The following PRRT3 variants were observed in gnomAD, a reference collection of about 807,000 sequenced individuals.
The protein encoded by PRRT3 is proline-rich transmembrane protein 3.
Under a neutral mutation model 56.6 loss-of-function variants are expected in PRRT3, and 48 were observed. That is an observed-to-expected ratio of 0.85 (90% CI 0.67 to 1.08). PRRT3 has a LOEUF of 1.08. PRRT3 is among the 50% of genes least tolerant of loss of function. The probability of loss-of-function intolerance (pLI) is 0.00; values close to 1 mark genes in which losing one functional copy is unlikely to be tolerated. For missense variants in PRRT3, 1,370 were observed against 1,353.1 expected (o/e 1.01, Z -0.20); for synonymous variants, 641 against 619.1 (o/e 1.04, Z -0.52).
rs1328079860 is a variant in PRRT3, at chr3:9,947,230, A to C, written c.1943T>G (p.Leu648Arg). The C allele has an allele frequency of 6.7e-7, 1 of 1,495,350 alleles. No individual in the cohort carries two copies. Among genetic ancestry groups the C allele is most frequent in the African/African-American group, 1.4e-5 (1 of 69,626 alleles). 92.6% of individuals were successfully genotyped at this position (1,495,350 alleles called of 1,614,324 possible). A position where few individuals can be genotyped will look rare whatever the true frequency, so the allele number is the denominator to read the frequency against. Reference sequence around the variant, plus strand: ...CGCCAGCTGCAAGCCGCTAGCCAGCAGCCCCAGCGCGCCCGCCACAGCCAA... The same window carrying C: ...CGCCAGCTGCAAGCCGCTAGCCAGCCGCCCCAGCGCGCCCGCCACAGCCAA... The part of the protein sequence containing the change: ...RLLAVAGALG[L>R]LASGLQLAAA... Residue 648 changes from leucine (L) to arginine (R), a missense_variant, in exon 4 of 4, where the codon CTG becomes CGG. Leu to Arg is a moderately radical substitution (Grantham distance 102, BLOSUM62 -2). Transcript: ENST00000412055. This position sits in a 1 kb window ranked among gnomAD's most constrained non-coding sequence, Gnocchi z 9.2.
Position 9,949,037 on chromosome 3 carries a change from G to A in PRRT3, c.1015+64C>T. 5 of 1,525,170 alleles carry A rather than the reference G, an allele frequency of 3.3e-6. No homozygotes were observed. Among genetic ancestry groups the A allele is most frequent in the Non-Finnish European group, 4.4e-6 (5 of 1,141,958 alleles). 94.5% of individuals were successfully genotyped at this position (1,525,170 alleles called of 1,614,324 possible). ...AAAATGAGACCTAGAGGGACCCAGG[G>A]TCAAACAGAATTGAGGCATCCAGCT... On this transcript the variant is annotated intron_variant, in intron 2 of 3. Transcript: ENST00000412055. This position sits in a 1 kb window ranked among gnomAD's most constrained non-coding sequence, Gnocchi z 4.5.
Position 9,947,537 on chromosome 3 carries a change from G to C in PRRT3, c.1636C>G (p.Pro546Ala), listed in dbSNP as rs2085547907. 1.2e-6 allele frequency: 2 copies of C among 1,611,460 alleles called. No homozygotes were observed. Among genetic ancestry groups the C allele is most frequent in the Admixed American group, 1.7e-5 (1 of 59,958 alleles). ...GCTGCCAGCGCCGTAAGCAGCAAGG[G>C]GAAGGGCAGGTTGTAGAGCACCAGG... ...GGLVLYNLPF[P>A]LLLTALAALT... The change falls in exon 4 of 4, where the codon CCC (proline) becomes GCC (alanine). Residue 546 changes from proline (P) to alanine (A), a missense_variant. Transcript: ENST00000412055. The surrounding 1 kb of genome is among the most constrained non-coding windows in gnomAD (Gnocchi z 9.2).
intron 3 of PRRT3, 191 bp downstream of exon 3, chr3:9,948,567 G>T (rs2085566929): frequency 1.5e-6 from 1 of 653,114 alleles, no homozygotes; most frequent in African/African-American, 1.8e-5. Flanking sequence ...AAGGGCAAAT[G>T]ACTTCTCCCA....
intron 3 of PRRT3, chr3:9,948,256 A>G (rs1018106209): frequency 2.6e-6 from 1 of 383,240 alleles, no homozygotes. Flanking sequence ...GCAGTTCGAC[A>G]CATGGGCTGC....
chr3:9,949,258 A>T lies in PRRT3; in HGVS notation c.858T>A (p.Val286=). The T allele has an allele frequency of 6.2e-7, 1 of 1,603,086 alleles. No individual in the cohort carries two copies. The highest frequency in any genetic ancestry group is 2.2e-5 in the East Asian group (1 of 44,748). Residue 286 remains valine (V), a synonymous_variant, in exon 2 of 4, where the codon GTT becomes GTA. Coordinates refer to ENST00000412055, the MANE Select transcript of PRRT3 (RefSeq NM_207351.5). This position sits in a 1 kb window ranked among gnomAD's most constrained non-coding sequence, Gnocchi z 4.5. The part of the protein sequence containing the change: ...RSLPPAEELP[V]ETPKRAGAEV... ...CAGCGCCAGCCCTCTTGGGGGTCTC[A>T]ACCGGCAGCTCCTCAGCAGGAGGAA...
At chr3:9,948,148 A>AGAT (rs2085561843) in intron 3 of PRRT3, 147 bp from the exon 4 acceptor site, 2 of 868,890 alleles carry the variant, frequency 2.3e-6, no homozygotes, top group African/African-American at 3.5e-5. Context: ...GTTGTGAAGA[A>AGAT]GATGAAATGT....
chr3:9,948,034 G>A, intron 3 of PRRT3, 33 bp from the exon 4 acceptor site: 12 of 1,292,920 alleles, frequency 9.3e-6, no homozygotes, highest in Non-Finnish European at 1.2e-5. Context: ...ATAGCCATTT[G>A]AAAAGTGCTT....
intron 1 of PRRT3, among the ~76,000 whole-genome samples, 176 bp from the exon 2 acceptor site, chr3:9,950,348 G>T (rs1321821637): frequency 6.6e-6 from 1 of 152,224 alleles, no homozygotes; most frequent in Non-Finnish European, 1.5e-5. Context: ...TTTCCCTCAA[G>T]AAAGAACATA....
In PRRT3 at chr3:9,949,210, G is replaced by T; in HGVS notation, c.906C>A (p.Ser302=). 1 of 1,608,666 alleles carries T rather than the reference G, an allele frequency of 6.2e-7. No homozygotes were observed. The highest frequency in any genetic ancestry group is 8.5e-7 in the Non-Finnish European group (1 of 1,177,664). The change falls in exon 2 of 4, where the codon TCC becomes TCA. Residue 302 remains serine, a synonymous_variant. Transcript: ENST00000412055. The surrounding 1 kb of genome is among the most constrained non-coding windows in gnomAD (Gnocchi z 4.5). ...CAGCCTGCTTGGGCGGGGGACCTGG[G>T]GAGCTGACTTCCCAGGACACCTCAG... ...AGAEVSWEVS[S]PGPPPKQADL...
At chr3:9,948,207 C>G (rs1166402838) in intron 3 of PRRT3, 5 of 434,226 alleles carry the variant, frequency 1.2e-5, no homozygotes, top group Non-Finnish European at 1.9e-5. Context: ...TGTCAGCTAT[C>G]ATTTTCATTA....
chr3:9,950,309 C>A, intron 1 of PRRT3, 137 bp from the exon 2 acceptor site: 2 of 405,298 alleles, frequency 4.9e-6, no homozygotes, highest in East Asian at 7.3e-5. Flanking sequence ...TGGCACTTGC[C>A]CTGCTTTAAA....
At position 9,949,999 on chromosome 3, in the gene PRRT3, G is replaced by A. The variant is rs1471019397; in HGVS notation, c.117C>T (p.Ile39=). Residue 39 remains isoleucine, a synonymous_variant, in exon 2 of 4, where the codon ATC becomes ATT. Transcript: ENST00000412055. The surrounding 1 kb of genome is among the most constrained non-coding windows in gnomAD (Gnocchi z 4.5). The part of the protein sequence containing the change: ...GFPRPLENSE[I]PMIPGAHPKG... ...TGGGGTGGGCTCCAGGGATCATAGG[G>A]ATTTCGGAGTTTTCAAGTGGCCTGG... 2.0e-6 allele frequency: 3 copies of A among 1,537,062 alleles called. No individual in the cohort carries two copies. The highest frequency in any genetic ancestry group is 2.6e-6 in the Non-Finnish European group (3 of 1,145,496).
In PRRT3 at chr3:9,946,246, C is replaced by T; in HGVS notation, c.2927G>A (p.Ser976Asn). 3.7e-6 allele frequency: 6 copies of T among 1,612,608 alleles called. No homozygotes were observed. The highest frequency in any genetic ancestry group is 5.1e-6 in the Non-Finnish European group (6 of 1,179,806). Reference sequence around the variant, plus strand: ...CGCTCTTCAAAGCTCGATGGTATCACTGGAGGCGCTGCGGGATTCCCCAGG... The same window carrying T: ...CGCTCTTCAAAGCTCGATGGTATCATTGGAGGCGCTGCGGGATTCCCCAGG... ...GKPGESRSAS[S>N]DTIEL is the part of the protein sequence containing the mutation. Residue 976 changes from serine to asparagine, a missense_variant, in exon 4 of 4, where the codon AGT (serine) becomes AAT (asparagine). By Grantham distance (46) the Ser-to-Asn change is conservative. Transcript: ENST00000412055. This position sits in a 1 kb window ranked among gnomAD's most constrained non-coding sequence, Gnocchi z 4.1.
intron 3 of PRRT3, chr3:9,948,375 G>A (rs2085564475): frequency 2.7e-6 from 1 of 370,596 alleles, no homozygotes; most frequent in Non-Finnish European, 4.8e-6. Context: ...TGTCATCCAG[G>A]CTGGTGTGCA....
Position 9,949,200 on chromosome 3 carries a change from G to A in PRRT3, c.916C>T (p.Pro306Ser), listed in dbSNP as rs762916394. The A allele has an allele frequency of 1.2e-6, 2 of 1,609,402 alleles. No individual in the cohort carries two copies. Among genetic ancestry groups the A allele is most frequent in the South Asian group, 2.2e-5 (2 of 90,442 alleles). ...VSWEVSSPGPPPKQADLPDAK... is the reference protein window; with the variant it reads ...VSWEVSSPGPSPKQADLPDAK... ...TCAGGAAGGTCAGCCTGCTTGGGCG[G>A]GGGACCTGGGGAGCTGACTTCCCAG... The change falls in exon 2 of 4, where the codon CCG (proline) becomes TCG (serine). Residue 306 changes from proline (P) to serine (S), a missense_variant. Physicochemically the swap from Pro to Ser is moderately conservative, Grantham distance 74 (BLOSUM62 -1). Transcript: ENST00000412055. This position sits in a 1 kb window ranked among gnomAD's most constrained non-coding sequence, Gnocchi z 4.5.
rs1217441552 is a variant in PRRT3, at chr3:9,946,616, C to T, written c.2557G>A (p.Gly853Ser). 11 of 1,394,126 alleles carry T rather than the reference C, an allele frequency of 7.9e-6. No individual in the cohort carries two copies. The highest frequency in any genetic ancestry group is 9.2e-6 in the Non-Finnish European group (10 of 1,082,628). 86.4% of individuals were successfully genotyped at this position (1,394,126 alleles called of 1,614,324 possible). The change falls in exon 4 of 4, where the codon GGC becomes AGC. Residue 853 changes from glycine to serine, a missense_variant. By Grantham distance (56) the Gly-to-Ser change is moderately conservative. Transcript: ENST00000412055. This position sits in a 1 kb window ranked among gnomAD's most constrained non-coding sequence, Gnocchi z 4.1. ...TCGAGCTCGGCTTTGGGATGGCTGCCCCGGCGCGGCCGCAGAGCGCCTCCA... is the reference window on the plus strand; with the variant it reads ...TCGAGCTCGGCTTTGGGATGGCTGCTCCGGCGCGGCCGCAGAGCGCCTCCA... ...PPGGALRPRR[G>S]SHPKAELDDA... is the part of the protein sequence containing the mutation.
At chr3:9,950,212 G>GT in intron 1 of PRRT3, 40 bp from the exon 2 acceptor site, 1 of 1,116,680 alleles carries the variant, frequency 9.0e-7, no homozygotes, top group Non-Finnish European at 1.2e-6. Context: ...TGTGAGGGCT[G>GT]GGGGCCCCCA....
Position 9,946,054 on chromosome 3 carries a change from T to C in PRRT3, c.*173A>G. On this transcript the variant is annotated 3_prime_UTR_variant, in exon 4 of 4. Coordinates refer to ENST00000412055, the MANE Select transcript of PRRT3 (RefSeq NM_207351.5). The surrounding 1 kb of genome is among the most constrained non-coding windows in gnomAD (Gnocchi z 4.1). ...GCTATGTTCGAGACCAGGAGGCTGA[T>C]CTCGAACTCCTGACCTCGTGTTCCA... is the stretch of plus-strand genomic sequence containing the variant. 1.0e-6 allele frequency: 1 copy of C among 974,576 alleles called. No homozygotes were observed. The highest frequency in any genetic ancestry group is 1.5e-6 in the Non-Finnish European group (1 of 688,364). 60.4% of individuals were successfully genotyped at this position (974,576 alleles called of 1,614,324 possible).
chr3:9,947,455 A>C lies in PRRT3; in HGVS notation c.1718T>G (p.Leu573Arg), dbSNP rs369534716. 2 of 1,612,502 alleles carry C rather than the reference A, an allele frequency of 1.2e-6. No homozygotes were observed. The highest frequency in any genetic ancestry group is 3.3e-5 in the Admixed American group (2 of 59,998). Residue 573 changes from leucine to arginine, a missense_variant, in exon 4 of 4, where the codon CTG (leucine) becomes CGG (arginine). Physicochemically the swap from Leu to Arg is moderately radical, Grantham distance 102. Transcript: ENST00000412055. The surrounding 1 kb of genome is among the most constrained non-coding windows in gnomAD (Gnocchi z 9.2). ...ATGCACCAGCGCCACTGCTCCCAGC[A>C]GGAGTGGGTTTTGCAGCGGTGGCGG... is the stretch of plus-strand genomic sequence containing the variant. ...GLPPPLQNPL[L>R]LGAVALVHGV...
Sources: allele counts gnomAD v4.1 joint callset (sites outside exome capture counted in the v4.1 genomes callset), GRCh38; gene constraint gnomAD v4.1.1; non-coding constraint Gnocchi (gnomAD v3.1); transcripts MANE v1.5; gene names NCBI Gene and HGNC (gene_info 2026-07-23, HGNC 2026-07-21).